PREX1: variants seen among roughly 807,000 people sequenced by gnomAD.
PREX1 encodes phosphatidylinositol-3,4,5-trisphosphate dependent Rac exchange factor 1.
PREX1 carries 41 observed loss-of-function variants against 198.3 expected under a neutral mutation model. The ratio of observed to expected loss-of-function variants is 0.21; its 90% CI spans 0.16 to 0.27. PREX1 has a LOEUF of 0.27. Among genes scored for constraint, PREX1 ranks in the 10% least tolerant of loss-of-function variants. The probability of loss-of-function intolerance (pLI) is 1.00; values close to 1 mark genes in which losing one functional copy is unlikely to be tolerated. For missense variants in PREX1, 1,620 were observed against 2,200.7 expected (o/e 0.74, Z 5.28); for synonymous variants, 843 against 887.2 (o/e 0.95, Z 0.89).
the PREX1 span, among the ~76,000 whole-genome samples, chr20:48,865,950 CT>C: frequency 0.2 from 28,575 of 140,020 alleles, 2,641 homozygotes; most frequent in African/African-American, 0.27. Context: ...AAGTGTTAAA[CT>C]TTTTTTTTTT....
the PREX1 span, among the ~76,000 whole-genome samples, chr20:48,852,218 G>T: frequency 6.6e-6 from 1 of 152,030 alleles, no homozygotes; most frequent in African/African-American, 2.4e-5. Context: ...ACAGTCAAAG[G>T]TTAAGGATAT....
intron 1 of PREX1, among the ~76,000 whole-genome samples, chr20:48,770,507 T>C (rs763134381): frequency 6.6e-6 from 1 of 152,038 alleles, no homozygotes; most frequent in Non-Finnish European, 1.5e-5. Flanking sequence ...GGTCAGGAGT[T>C]CGAGACCAGC....
intron 4 of PREX1, among the ~76,000 whole-genome samples, chr20:48,732,607 G>C (rs569562047): frequency 9.8e-5 from 15 of 152,302 alleles, no homozygotes; most frequent in Admixed American, 5.9e-4. Context: ...CCCCTAGAAA[G>C]TCACTTAATA....
intron 14 of PREX1, 111 bp downstream of exon 14, chr20:48,676,082 G>T: frequency 9.4e-7 from 1 of 1,068,452 alleles, no homozygotes; most frequent in Non-Finnish European, 1.4e-6. Context: ...TATGTTCTGT[G>T]CAGTTTGCCA....
chr20:48,877,273 A>G, the PREX1 span, among the ~76,000 whole-genome samples: 1 of 148,308 alleles, frequency 6.7e-6, no homozygotes, highest in African/African-American at 2.4e-5. Context: ...CTCCATCTCA[A>G]AAAAAAAAAA....
intron 30 of PREX1, among the ~76,000 whole-genome samples, chr20:48,638,974 C>G (rs2089387337): frequency 6.6e-6 from 1 of 152,246 alleles, no homozygotes; most frequent in African/African-American, 2.4e-5. Flanking sequence ...AGCAGAGACT[C>G]CGACTCAGAG....
chr20:48,672,960 G>A (rs2089685971), intron 14 of PREX1, among the ~76,000 whole-genome samples: 1 of 152,088 alleles, frequency 6.6e-6, no homozygotes, highest in Non-Finnish European at 1.5e-5. Context: ...GCTTTTGTCT[G>A]TCTTGTTCCC....
intron 1 of PREX1, chr20:48,821,973 T>G (rs1430052455): frequency 7.2e-5 from 11 of 152,210 alleles, no homozygotes; most frequent in Admixed American, 7.2e-4. Flanking sequence ...TGTTGATGAC[T>G]TCATTCTCGT....
rs776160255 is a variant in PREX1 at position 48,708,400 on chromosome 20, C to T, written c.643G>A (p.Gly215Ser). The T allele has an allele frequency of 4.3e-6, 7 of 1,613,946 alleles. No homozygotes were observed. The highest frequency in any genetic ancestry group is 4.0e-5 in the African/African-American group (3 of 74,884). Residue 215 changes from glycine (G) to serine (S), a missense_variant, in exon 6 of 40, where the codon GGC becomes AGC. Physicochemically the swap from Gly to Ser is moderately conservative, Grantham distance 56. Coordinates refer to ENST00000371941, the MANE Select transcript of PREX1 (RefSeq NM_020820.4). ...ACCGCGGGGTGGTCTGGGTGCTTGC[C>T]GGGAGTCCTCTTGGCCAGCTCCTGG... ...LLKELAKRTP[G>S]KHPDHPAVQS...
intron 2 of PREX1, among the ~76,000 whole-genome samples, chr20:48,746,671 T>C (rs1282969688): frequency 2.0e-5 from 3 of 152,100 alleles, no homozygotes; most frequent in Admixed American, 1.3e-4. Context: ...TTTGGTTTCA[T>C]GGTACACTGG....
the PREX1 span, among the ~76,000 whole-genome samples, chr20:48,875,219 A>T: frequency 6.6e-6 from 1 of 152,218 alleles, no homozygotes; most frequent in Non-Finnish European, 1.5e-5. Context: ...GGGAATGAAC[A>T]TTCCAGCCAA....
chr20:48,828,004 G>C, upstream of PREX1: 1 of 184,994 alleles, frequency 5.4e-6, no homozygotes, highest in Non-Finnish European at 9.9e-6. Context: ...GGGACTGGGG[G>C]CCGGGCGGCT....
chr20:48,828,898 CTTA>C (rs953017728), upstream of PREX1, among the ~76,000 whole-genome samples: 23 of 152,222 alleles, frequency 1.5e-4, no homozygotes, highest in Non-Finnish European at 2.9e-5. Flanking sequence ...CATCACCCGC[CTTA>C]TCGGAAGGTA....
intron 10 of PREX1, among the ~76,000 whole-genome samples, chr20:48,685,187 G>A (rs2089777053): frequency 6.6e-6 from 1 of 152,218 alleles, no homozygotes; most frequent in Admixed American, 6.5e-5. Flanking sequence ...GCACATAGCA[G>A]GGACTCGGTA....
At chr20:48,729,693 G>A (rs914179516) in intron 4 of PREX1, among the ~76,000 whole-genome samples, 3 of 152,080 alleles carry the variant, frequency 2.0e-5, no homozygotes, top group African/African-American at 7.2e-5. Flanking sequence ...AGGCCCTCAT[G>A]CTCTATGTGA....
At chr20:48,815,102 G>T in intron 1 of PREX1, among the ~76,000 whole-genome samples, 1 of 152,208 alleles carries the variant, frequency 6.6e-6, no homozygotes, top group Middle Eastern at 3.2e-3. Flanking sequence ...TCATAAATGT[G>T]TATTTCCAGC....
intron 5 of PREX1, among the ~76,000 whole-genome samples, chr20:48,725,860 G>C (rs1401091453): frequency 3.3e-5 from 5 of 152,174 alleles, no homozygotes; most frequent in African/African-American, 9.7e-5. Context: ...GTAAAGCACG[G>C]GTCTAAGCTG....
At chr20:48,869,640 T>C in the PREX1 span, among the ~76,000 whole-genome samples, 17 of 152,174 alleles carry the variant, frequency 1.1e-4, no homozygotes, top group Non-Finnish European at 2.5e-4. Flanking sequence ...GTGGTACATA[T>C]ACACCATGGA....
chr20:48,728,288 C>T (rs2090018399), intron 4 of PREX1, among the ~76,000 whole-genome samples: 1 of 152,248 alleles, frequency 6.6e-6, no homozygotes, highest in Non-Finnish European at 1.5e-5. Flanking sequence ...CCATATGCCA[C>T]ACGCTGTGCC....
Sources: allele counts gnomAD v4.1 joint callset (sites outside exome capture counted in the v4.1 genomes callset), GRCh38; gene constraint gnomAD v4.1.1; transcripts MANE v1.5; gene names NCBI Gene and HGNC (gene_info 2026-07-23, HGNC 2026-07-21).